CHIC1: variants seen among roughly 807,000 people sequenced by gnomAD.
CHIC1 encodes the protein cysteine rich hydrophobic domain 1, also known as cysteine-rich hydrophobic domain-containing protein 1.
Under a neutral mutation model 18.5 loss-of-function variants are expected in CHIC1, and 7 were observed. The ratio of observed to expected loss-of-function variants is 0.38; its 90% CI spans 0.22 to 0.71. The LOEUF (loss-of-function observed/expected upper bound fraction) is 0.71, where lower values mean the gene tolerates loss of function less well. Among genes scored for constraint, CHIC1 ranks in the 30% least tolerant of loss-of-function variants. The probability of loss-of-function intolerance (pLI) is 0.49; values close to 1 mark genes in which losing one functional copy is unlikely to be tolerated. For synonymous variants in CHIC1, 77 were observed against 73.5 expected (o/e 1.05, Z -0.25); for missense variants, 159 against 176.9 (o/e 0.90, Z 0.57).
At chrX:73,599,213 T>C (rs1207921518) in intron 3 of CHIC1, among the ~76,000 whole-genome samples, 3 of 110,029 alleles carry the variant, frequency 2.7e-5, no homozygotes, top group African/African-American at 1.0e-4. Flanking sequence ...TTTGAGTTCA[T>C]TGTAGATTCT....
chrX:73,673,397 ATTTG>A (rs2058042717), intron 3 of CHIC1, among the ~76,000 whole-genome samples: 1 of 111,678 alleles, frequency 9.0e-6, no homozygotes, highest in Non-Finnish European at 1.9e-5. Flanking sequence ...ATGTTCTTCC[ATTTG>A]TTTGTTTCCT....
At chrX:73,571,174 A>G (rs2057469133) in intron 1 of CHIC1, among the ~76,000 whole-genome samples, 1 of 110,685 alleles carries the variant, frequency 9.0e-6, no homozygotes, top group African/African-American at 3.3e-5. Context: ...TATTGACTAT[A>G]TATTTGATAT....
At chrX:73,680,837 A>G (rs1030674575) in intron 5 of CHIC1, 118 bp from the exon 6 acceptor site, 1 of 365,884 alleles carries the variant, frequency 2.7e-6, no homozygotes, top group Non-Finnish European at 4.6e-6. Context: ...CACTTACTTT[A>G]TATGGTTCAG....
chrX:73,641,459 A>G (rs1390346411), intron 3 of CHIC1, among the ~76,000 whole-genome samples: 3 of 110,061 alleles, frequency 2.7e-5, no homozygotes, highest in Non-Finnish European at 3.8e-5. Flanking sequence ...CTCTTCCCCA[A>G]ACCCCTTTTA....
At chrX:73,660,397 C>T (rs766431067) in intron 3 of CHIC1, among the ~76,000 whole-genome samples, 1 of 111,964 alleles carries the variant, frequency 8.9e-6, no homozygotes, top group Admixed American at 9.5e-5. Flanking sequence ...GGTGTCTGCC[C>T]AGGTGACAGG....
In CHIC1 at chrX:73,679,373, A is replaced by G; in HGVS notation, c.555A>G (p.Leu185=). ...TAATAGAATGGGAAAATAACAGATT[A>G]TATCACAAGGTAAGAAATTTTAAGC... is the stretch of plus-strand genomic sequence containing the variant. ...QKLIEWENNR[L]YHKLALHWKL... is the part of the protein sequence containing the mutation. The change falls in exon 4 of 6, where the codon TTA becomes TTG. Residue 185 remains leucine, a synonymous_variant. Transcript: ENST00000373502. The G allele has an allele frequency of 1.8e-6, 2 of 1,126,029 alleles. No homozygotes were observed. Among genetic ancestry groups the G allele is most frequent in the Non-Finnish European group, 2.4e-6 (2 of 821,520 alleles). The allele number at this position is 1,126,029 out of a possible 1,213,427, so 92.8% of individuals were successfully genotyped here. A position where few individuals can be genotyped will look rare whatever the true frequency, so the allele number is the denominator to read the frequency against.
intron 3 of CHIC1, among the ~76,000 whole-genome samples, chrX:73,586,286 A>G (rs2057552764): frequency 9.0e-6 from 1 of 111,007 alleles, no homozygotes; most frequent in Non-Finnish European, 1.9e-5. Context: ...TGTAAGCATT[A>G]TAGTTCACGG....
In CHIC1 at chrX:73,599,572, C is replaced by T. The variant is rs2057631679; in HGVS notation, c.507+15000C>T. On this transcript the variant is annotated intron_variant, in intron 3 of 5. Coordinates refer to ENST00000373502, the MANE Select transcript of CHIC1 (RefSeq NM_001039840.4). ...ATCTGGCTAGCCAGTTTTCCCAGCACCATTTATTAAATAGGAAATCCTTTC... is the reference window on the plus strand; with the variant it reads ...ATCTGGCTAGCCAGTTTTCCCAGCATCATTTATTAAATAGGAAATCCTTTC... 2.9e-5 allele frequency among the ~76,000 whole-genome samples: 3 copies of T among 105,050 alleles called. No individual in the cohort carries two copies. The South Asian group carries it at 1.2e-3, about 44-fold the overall frequency. 91.2% of individuals were successfully genotyped at this position (105,050 alleles called of 115,157 possible). A position where few individuals can be genotyped will look rare whatever the true frequency, so the allele number is the denominator to read the frequency against.
chrX:73,680,155 A>G (rs1410471498), intron 5 of CHIC1, among the ~76,000 whole-genome samples: 1 of 107,280 alleles, frequency 9.3e-6, no homozygotes, highest in African/African-American at 3.4e-5. Context: ...GTAGGTTCTA[A>G]TTTTTGTTTT....
In CHIC1 at chrX:73,563,208, G is replaced by A. The variant is rs2147531109; in HGVS notation, c.-77G>A. The A allele has an allele frequency of 2.0e-6, 2 of 988,805 alleles. No individual in the cohort carries two copies. The highest frequency in any genetic ancestry group is 3.3e-5 in the South Asian group (1 of 30,530). 81.5% of individuals were successfully genotyped at this position (988,805 alleles called of 1,213,427 possible). On this transcript the variant is annotated 5_prime_UTR_variant, in exon 1 of 6. Transcript: ENST00000373502. ...CACCCCTCCTCTTTCTCTTCATTTC[G>A]TTCCCCCTCCTCTTGCAGCACCTCG...
chrX:73,575,395 G>T (rs1039902846), intron 1 of CHIC1, among the ~76,000 whole-genome samples: 2 of 110,063 alleles, frequency 1.8e-5, no homozygotes, highest in African/African-American at 6.6e-5. Context: ...TACCTCCTGA[G>T]AAATGTATTG....
intron 3 of CHIC1, among the ~76,000 whole-genome samples, chrX:73,655,262 C>T (rs774435210): frequency 2.8e-5 from 3 of 106,901 alleles, no homozygotes; most frequent in Non-Finnish European, 5.8e-5. Context: ...CATAATATTC[C>T]GTGGTGGTGG....
rs1047642265 is a variant in CHIC1 at position 73,683,128 on chromosome X, A to G, written c.*2123A>G. ...CAGCATGAAGTGGTGAATTGTTTCCATGAAACAATTATTGAGAATGGGAAT... is the reference window on the plus strand; with the variant it reads ...CAGCATGAAGTGGTGAATTGTTTCCGTGAAACAATTATTGAGAATGGGAAT... On this transcript the variant is annotated 3_prime_UTR_variant, in exon 6 of 6. Coordinates refer to ENST00000373502, the MANE Select transcript of CHIC1 (RefSeq NM_001039840.4). The G allele has an allele frequency of 7.2e-5, 8 of 111,147 alleles. No individual in the cohort carries two copies. The highest frequency in any genetic ancestry group is 2.3e-4 in the African/African-American group (7 of 30,693). 9.2% of individuals were successfully genotyped at this position (111,147 alleles called of 1,213,427 possible).
At chrX:73,678,798 G>T (rs1035492660) in intron 3 of CHIC1, among the ~76,000 whole-genome samples, 1 of 111,461 alleles carries the variant, frequency 9.0e-6, no homozygotes, top group Non-Finnish European at 1.9e-5. Flanking sequence ...GTTCTTTTCA[G>T]TGGAAATTCT....
chrX:73,652,580 A>T (rs771368758), intron 3 of CHIC1, among the ~76,000 whole-genome samples: 25 of 112,412 alleles, frequency 2.2e-4, no homozygotes, highest in Non-Finnish European at 4.5e-4. Flanking sequence ...ATATGAACAG[A>T]CGCTATTCAA....
intron 3 of CHIC1, among the ~76,000 whole-genome samples, chrX:73,648,671 A>G (rs764554287): frequency 4.7e-4 from 52 of 111,529 alleles, no homozygotes; most frequent in Non-Finnish European, 7.3e-4. Flanking sequence ...TTAGAGAAAA[A>G]AGAATGAAAA....
intron 2 of CHIC1, among the ~76,000 whole-genome samples, chrX:73,583,988 C>T (rs1308611700): frequency 1.8e-5 from 2 of 110,621 alleles, no homozygotes; most frequent in Non-Finnish European, 3.8e-5. Context: ...AGGAGTATTG[C>T]CAAGGTCTAA....
At chrX:73,677,211 C>T (rs922857192) in intron 3 of CHIC1, among the ~76,000 whole-genome samples, 4 of 112,136 alleles carry the variant, frequency 3.6e-5, no homozygotes, top group Non-Finnish European at 7.5e-5. Flanking sequence ...TCTGCCTGTT[C>T]TCAGATCTTA....
intron 3 of CHIC1, among the ~76,000 whole-genome samples, chrX:73,651,934 A>G (rs1440739448): frequency 8.9e-6 from 1 of 112,169 alleles, no homozygotes; most frequent in Non-Finnish European, 1.9e-5. Flanking sequence ...TAGCCAAGAC[A>G]GTTCTAAGCA....
Sources: allele counts gnomAD v4.1 joint callset (sites outside exome capture counted in the v4.1 genomes callset), GRCh38; gene constraint gnomAD v4.1.1; transcripts MANE v1.5; gene names NCBI Gene and HGNC (gene_info 2026-07-23, HGNC 2026-07-21).